RNF4: variants seen among roughly 807,000 people sequenced by gnomAD.
RNF4 encodes ring finger protein 4.
In RNF4, 7 loss-of-function variants were observed where a neutral mutation model predicts 24.3. The observed-to-expected ratio is 0.29, with a 90% confidence interval of 0.16 to 0.54. The LOEUF is 0.54. Among genes scored for constraint, RNF4 ranks in the 20% least tolerant of loss-of-function variants. The pLI, the probability that RNF4 is intolerant of heterozygous loss-of-function variation, is 0.95. For synonymous variants in RNF4, 83 were observed against 84.3 expected (o/e 0.98, Z 0.09); for missense variants, 209 against 248.5 (o/e 0.84, Z 1.07).
intron 4 of RNF4, among the ~76,000 whole-genome samples, chr4:2,507,013 G>A (rs548716752): frequency 6.6e-6 from 1 of 152,260 alleles, no homozygotes; most frequent in Non-Finnish European, 1.5e-5. Context: ...TACTTAGGCT[G>A]TTTTTCTTAA....
At chr4:2,483,330 T>C (rs566521856) in intron 1 of RNF4, among the ~76,000 whole-genome samples, 5 of 152,114 alleles carry the variant, frequency 3.3e-5, no homozygotes, top group Admixed American at 1.3e-4. Flanking sequence ...ATTAAAGATG[T>C]GGACACTGAG....
intron 1 of RNF4, among the ~76,000 whole-genome samples, chr4:2,482,743 C>T (rs1735279715): frequency 6.6e-6 from 1 of 152,216 alleles, no homozygotes; most frequent in African/African-American, 2.4e-5. Context: ...TAGTCTGCTG[C>T]TTTCTGCTTT....
chr4:2,486,310 TTG>T (rs1382692222), intron 1 of RNF4, among the ~76,000 whole-genome samples: 1 of 152,176 alleles, frequency 6.6e-6, no homozygotes, highest in East Asian at 1.9e-4. Flanking sequence ...CCAGAACCCT[TTG>T]TAGTTGGTGA....
intron 1 of RNF4, among the ~76,000 whole-genome samples, chr4:2,486,533 C>A (rs1735413738): frequency 6.6e-6 from 1 of 152,098 alleles, no homozygotes; most frequent in African/African-American, 2.4e-5. Flanking sequence ...AGAGAAAAAC[C>A]AGATTTGGGG....
At chr4:2,502,736 C>T (rs1354211371) in intron 4 of RNF4, among the ~76,000 whole-genome samples, 5 of 150,928 alleles carry the variant, frequency 3.3e-5, no homozygotes, top group African/African-American at 1.2e-4. Context: ...CCCAGCTACT[C>T]GGGAGGCTAA....
chr4:2,494,850 G>A (rs1020505778), intron 2 of RNF4: 4 of 152,242 alleles, frequency 2.6e-5, no homozygotes, highest in Admixed American at 6.5e-5. Context: ...AGGCTAAATT[G>A]TGGGAGCTAA....
At chr4:2,484,072 C>CCCCCA (rs1373290037) in intron 1 of RNF4, among the ~76,000 whole-genome samples, 1 of 39,826 alleles carries the variant, frequency 2.5e-5, no homozygotes, top group African/African-American at 8.4e-5. Context: ...GGTGATCCCC[C>CCCCCA]CCCGCCTCGG....
intron 1 of RNF4, among the ~76,000 whole-genome samples, chr4:2,489,103 A>C (rs1735502858): frequency 6.6e-6 from 1 of 152,146 alleles, no homozygotes; most frequent in African/African-American, 2.4e-5. Flanking sequence ...GTGAGCTACT[A>C]CACCCGGCCG....
At chr4:2,493,567 C>T (rs1308151343) in intron 2 of RNF4, among the ~76,000 whole-genome samples, 3 of 151,764 alleles carry the variant, frequency 2.0e-5, no homozygotes, top group African/African-American at 4.8e-5. Context: ...CATGGTGAAA[C>T]CCCGTTTCCA....
chr4:2,510,849 T>C (rs1736252543), intron 4 of RNF4, among the ~76,000 whole-genome samples: 1 of 152,164 alleles, frequency 6.6e-6, no homozygotes, highest in South Asian at 2.1e-4. Context: ...TTGAAACTGT[T>C]GGAGCAGAAA....
At chr4:2,504,524 TTTTATTTA>T (rs148529651) in intron 4 of RNF4, among the ~76,000 whole-genome samples, 226 of 140,856 alleles carry the variant, frequency 1.6e-3, no homozygotes, top group East Asian at 9.6e-3. Context: ...GTTTTATAGC[TTTTATTTA>T]TTTATTTATT....
At chr4:2,470,219 T>C (rs1734859942) in intron 1 of RNF4, among the ~76,000 whole-genome samples, 1 of 152,234 alleles carries the variant, frequency 6.6e-6, no homozygotes, top group South Asian at 2.1e-4. Flanking sequence ...AGTGAAGTGG[T>C]CTGCCCAAGG....
At chr4:2,475,987 C>CAAATAGTA (rs1246873524) in intron 1 of RNF4, among the ~76,000 whole-genome samples, 1 of 152,140 alleles carries the variant, frequency 6.6e-6, no homozygotes, top group African/African-American at 2.4e-5. Flanking sequence ...CTAGAAACTT[C>CAAATAGTA]AAATAGTAAA....
Position 2,493,743 on chromosome 4 carries a change from TAAAAAAAAAAA to T in RNF4, c.10-3252_10-3242del, listed in dbSNP as rs34740719. Among the ~76,000 whole-genome samples the T allele has an allele frequency of 9.1e-5, 8 of 88,154 alleles. No homozygotes were observed. The East Asian group carries it at 2.3e-3, about 25-fold the overall frequency. 57.8% of individuals were successfully genotyped at this position (88,154 alleles called of 152,430 possible). ...TGAGCAACAGAGTGAGACTCCGTCT[TAAAAAAAAAAA>T]AAAAAAAAAAAGACTTGGCTACAAG... On this transcript the variant is annotated intron_variant, in intron 2 of 7. Coordinates refer to ENST00000314289, the MANE Select transcript of RNF4 (RefSeq NM_002938.5).
At chr4:2,471,128 A>G (rs530994284) in intron 1 of RNF4, 10 of 152,116 alleles carry the variant, frequency 6.6e-5, no homozygotes, top group African/African-American at 2.4e-4. Context: ...TACCACACCC[A>G]GTTAATTTTT....
In RNF4 at chr4:2,497,059, G is replaced by A. The variant is rs752043006; in HGVS notation, c.62G>A (p.Arg21Gln). Residue 21 changes from arginine (R) to glutamine (Q), a missense_variant, in exon 3 of 8, where the codon CGG becomes CAG. Arg to Gln is a conservative substitution (Grantham distance 43, BLOSUM62 1). Coordinates refer to ENST00000314289, the MANE Select transcript of RNF4 (RefSeq NM_002938.5). ...TCTAGACAAGCTCAGAAGCGAACTC[G>A]GGAAGCAACCTCCACCCCCGAGATC... Reference protein sequence around the residue: ...INSRQAQKRTREATSTPEISL... With the variant: ...INSRQAQKRTQEATSTPEISL... 1.2e-5 allele frequency: 20 copies of A among 1,609,232 alleles called. No homozygotes were observed. Among genetic ancestry groups the A allele is most frequent in the Non-Finnish European group, 3.4e-6 (4 of 1,178,024 alleles).
intron 4 of RNF4, among the ~76,000 whole-genome samples, chr4:2,507,960 T>G (rs1736150263): frequency 6.6e-6 from 1 of 152,014 alleles, no homozygotes; most frequent in Admixed American, 6.6e-5. Context: ...GTTGAAGAGA[T>G]CCTCCTGCCT....
chr4:2,507,086 A>G (rs1015022938), intron 4 of RNF4, among the ~76,000 whole-genome samples: 4 of 152,120 alleles, frequency 2.6e-5, no homozygotes, highest in Admixed American at 2.6e-4. Context: ...GTCTGTTTCT[A>G]TAATGTATGA....
chr4:2,509,006 C>A (rs1022454520), intron 4 of RNF4, among the ~76,000 whole-genome samples: 1 of 150,838 alleles, frequency 6.6e-6, no homozygotes, highest in Admixed American at 6.7e-5. Flanking sequence ...GCAGCCTCCA[C>A]CTCCCGGGCT....
Sources: allele counts gnomAD v4.1 joint callset (sites outside exome capture counted in the v4.1 genomes callset), GRCh38; gene constraint gnomAD v4.1.1; transcripts MANE v1.5; gene names NCBI Gene and HGNC (gene_info 2026-07-23, HGNC 2026-07-21).